The following NUP214 variants were observed in gnomAD, a reference collection of about 807,000 sequenced individuals.
The protein encoded by NUP214 is nucleoporin 214.
NUP214 carries 79 observed loss-of-function variants against 196.2 expected under a neutral mutation model. That is an observed-to-expected ratio of 0.40 (90% CI 0.34 to 0.49). NUP214 has a LOEUF of 0.49. NUP214 is among the 20% of genes least tolerant of loss of function. The pLI is 0.58. For missense variants in NUP214, 2,468 were observed against 2,539.0 expected, an observed-to-expected ratio of 0.97 and a Z score of 0.60; for synonymous variants, 1,020 against 990.5, an observed-to-expected ratio of 1.03 and a Z score of -0.56.
chr9:131,201,464 C>A (rs1022398743), intron 29 of NUP214, among the ~76,000 whole-genome samples, 183 bp from the exon 30 acceptor site: 1 of 151,524 alleles, frequency 6.6e-6, no homozygotes, highest in Non-Finnish European at 1.5e-5. Context: ...ACTCAGGAGG[C>A]TGAGGCAGGA....
chr9:131,180,801 A>G (rs1386389313), intron 24 of NUP214, among the ~76,000 whole-genome samples: 2 of 152,226 alleles, frequency 1.3e-5, no homozygotes, highest in Non-Finnish European at 2.9e-5. Flanking sequence ...GAAACTGCCA[A>G]TTACACAAAC....
Position 131,150,427 on chromosome 9 carries a change from A to G in NUP214, c.2127+17A>G. On this transcript the variant is annotated intron_variant, in intron 15 of 35. Coordinates refer to ENST00000359428, the MANE Select transcript of NUP214 (RefSeq NM_005085.4). ...GGGGAGGAGGTAAATTTGTTTCCTG[A>G]GGGTGTTTTTCTGAAAGTAGCTGAC... is the stretch of plus-strand genomic sequence containing the variant. 6.2e-7 allele frequency: 1 copy of G among 1,613,340 alleles called. No individual in the cohort carries two copies. Among genetic ancestry groups the G allele is most frequent in the Non-Finnish European group, 8.5e-7 (1 of 1,179,282 alleles).
chr9:131,217,733 C>T (rs1202948594), intron 31 of NUP214, among the ~76,000 whole-genome samples: 2 of 152,192 alleles, frequency 1.3e-5, no homozygotes, highest in Non-Finnish European at 2.9e-5. Flanking sequence ...GTATCATCTG[C>T]GAGGTTGTGT....
At chr9:131,208,778 G>C (rs1258660547) in intron 30 of NUP214, among the ~76,000 whole-genome samples, 1 of 152,088 alleles carries the variant, frequency 6.6e-6, no homozygotes, top group Admixed American at 6.5e-5. Context: ...AGCACTTTGG[G>C]AGGCTGAGGC....
rs1437530304 is a variant in NUP214, at chr9:131,189,151, T to C, written c.3574+20T>C. 4 of 1,607,728 alleles carry C rather than the reference T, an allele frequency of 2.5e-6. No homozygotes were observed. The highest frequency in any genetic ancestry group is 3.4e-6 in the Non-Finnish European group (4 of 1,174,400). ...CTTCAGGTCAGTTTGCATTTTTGTT[T>C]TCTTGAAAAGTGAAAGAAGCACTCC... On this transcript the variant is annotated intron_variant, in intron 26 of 35. Transcript: ENST00000359428.
intron 17 of NUP214, 140 bp downstream of exon 17, chr9:131,152,034 G>A (rs1289923895): frequency 1.6e-5 from 10 of 625,366 alleles, no homozygotes; most frequent in East Asian, 3.1e-5. Flanking sequence ...CACATTTCCC[G>A]TAAACTTCCT....
Position 131,144,319 on chromosome 9 carries a change from A to G in NUP214, c.1334A>G (p.Gln445Arg). ...ACCCCAACCTCCTCTCAAGCCCCAC[A>G]GAAACTGGATGCTTCTGCAGCTGCA... The part of the protein sequence containing the change: ...PTTPTSSQAP[Q>R]KLDASAAAAP... Residue 445 changes from glutamine to arginine, a missense_variant, in exon 12 of 36, where the codon CAG becomes CGG. Physicochemically the swap from Gln to Arg is conservative, Grantham distance 43. Transcript: ENST00000359428. 6.2e-7 allele frequency: 1 copy of G among 1,614,092 alleles called. No homozygotes were observed. The highest frequency in any genetic ancestry group is 1.3e-5 in the African/African-American group (1 of 75,034).
chr9:131,231,378 A>AGATG (rs956042187), intron 34 of NUP214, among the ~76,000 whole-genome samples: 2 of 152,038 alleles, frequency 1.3e-5, no homozygotes, highest in African/African-American at 4.8e-5. Context: ...TTTTTAGTAG[A>AGATG]GATGGGGTTT....
At chr9:131,127,372 G>A in intron 1 of NUP214, 152 bp from the exon 2 acceptor site, 2 of 605,634 alleles carry the variant, frequency 3.3e-6, no homozygotes. Flanking sequence ...GACAGAGCGA[G>A]ACTCCATCTC....
chr9:131,214,866 C>T (rs771053429), intron 30 of NUP214, among the ~76,000 whole-genome samples: 5 of 152,308 alleles, frequency 3.3e-5, no homozygotes, highest in Non-Finnish European at 5.9e-5. Context: ...TAAATGTTTT[C>T]GAACTTTTTA....
Position 131,198,144 on chromosome 9 carries a change from C to T in NUP214, c.4650C>T (p.Asn1550=). ...TTCTTGCCCAGCCTGCAGTCAGCAA[C>T]TCTGGCACTGCAGCATCTAGTACTA... ...EPVLAQPAVS[N]SGTAASSTSL... is the part of the protein sequence containing the mutation. The change falls in exon 29 of 36, where the codon AAC becomes AAT. Residue 1550 remains asparagine (N), a synonymous_variant. Coordinates refer to ENST00000359428, the MANE Select transcript of NUP214 (RefSeq NM_005085.4). 1 of 1,614,238 alleles carries T rather than the reference C, an allele frequency of 6.2e-7. No individual in the cohort carries two copies. The highest frequency in any genetic ancestry group is 1.1e-5 in the South Asian group (1 of 91,086).
At chr9:131,157,671 G>T (rs1003598742) in intron 17 of NUP214, among the ~76,000 whole-genome samples, 2 of 151,296 alleles carry the variant, frequency 1.3e-5, no homozygotes, top group African/African-American at 4.9e-5. Flanking sequence ...TTGGAGACAG[G>T]GTCTCACTCT....
chr9:131,179,942 G>GT (rs1833225375), intron 24 of NUP214, among the ~76,000 whole-genome samples: 1 of 152,192 alleles, frequency 6.6e-6, no homozygotes, highest in Admixed American at 6.5e-5. Context: ...AAGGCAGAAT[G>GT]TTACATAAGA....
chr9:131,162,965 A>C, intron 18 of NUP214, 26 bp from the exon 19 acceptor site: 1 of 1,611,752 alleles, frequency 6.2e-7, no homozygotes, highest in Non-Finnish European at 8.5e-7. Context: ...ATTCATGTTT[A>C]ATTCTTTTCT....
chr9:131,204,438 T>C (rs1351950160), intron 30 of NUP214, among the ~76,000 whole-genome samples: 1 of 152,206 alleles, frequency 6.6e-6, no homozygotes, highest in East Asian at 1.9e-4. Context: ...TTTCCAGCTT[T>C]GAGGGCTATC....
At position 131,168,462 on chromosome 9, in the gene NUP214, C is replaced by A. The variant is rs369911300; in HGVS notation, c.2893+4318C>A. On this transcript the variant is annotated intron_variant, in intron 21 of 35. Transcript: ENST00000359428. ...GTATACCCATCACCACATTTCAGTT[C>A]TAGAACATTTCCATCACTTAAAAAG... Among the ~76,000 whole-genome samples the A allele has an allele frequency of 2.0e-3, 302 of 152,278 alleles. 1 individual carries two copies. The highest frequency in any genetic ancestry group is 3.5e-3 in the Non-Finnish European group (238 of 68,022).
At chr9:131,167,433 G>A (rs1286956920) in intron 21 of NUP214, 3 of 152,146 alleles carry the variant, frequency 2.0e-5, no homozygotes, top group East Asian at 3.8e-4. Flanking sequence ...TACAGAAAAG[G>A]TTCTGAATAT....
At chr9:131,189,424 C>T (rs117030767) in intron 26 of NUP214, among the ~76,000 whole-genome samples, 2,224 of 152,244 alleles carry the variant, frequency 0.015, 38 homozygotes, top group Non-Finnish European at 0.023. Flanking sequence ...AAATTCTTTT[C>T]CTAAAATGGA....
intron 30 of NUP214, among the ~76,000 whole-genome samples, chr9:131,201,945 A>G (rs572478505): frequency 6.6e-6 from 1 of 152,288 alleles, no homozygotes; most frequent in East Asian, 1.9e-4. Flanking sequence ...CTGAGAAAGT[A>G]TTTTGAAAGC....
Sources: gnomAD v4.1 joint callset for allele counts (sites outside exome capture counted in the v4.1 genomes callset) on GRCh38, gnomAD v4.1.1 for gene constraint, MANE v1.5 for transcripts, NCBI Gene and HGNC (gene_info 2026-07-23, HGNC 2026-07-21) for gene names.